The following LMAN2L variants were observed in gnomAD, a reference collection of about 807,000 sequenced individuals.
The protein encoded by LMAN2L is lectin, mannose binding 2 like, also known as VIP36-like protein.
Under a neutral mutation model 44.3 loss-of-function variants are expected in LMAN2L, and 30 were observed. That is an observed-to-expected ratio of 0.68 (90% confidence interval 0.51 to 0.92). The LOEUF is 0.92. Among genes scored for constraint, LMAN2L ranks in the 40% least tolerant of loss-of-function variants. LMAN2L has a pLI of 0.00. For synonymous variants in LMAN2L, 183 were observed against 171.1 expected, an observed-to-expected ratio of 1.07 and a Z score of -0.54; for missense variants, 429 against 446.1, an observed-to-expected ratio of 0.96 and a Z score of 0.35.
At chr2:96,726,219 C>T (rs1289028624) in intron 4 of LMAN2L, among the ~76,000 whole-genome samples, 3 of 150,360 alleles carry the variant, frequency 2.0e-5, no homozygotes, top group Admixed American at 6.7e-5. Context: ...ATACTGATCT[C>T]GTATCCTTCA....
chr2:96,712,433 C>T (rs975739942), intron 4 of LMAN2L, among the ~76,000 whole-genome samples: 6 of 152,216 alleles, frequency 3.9e-5, no homozygotes, highest in East Asian at 1.9e-4. Flanking sequence ...TCATTCATCA[C>T]GTCTTCATAT....
chr2:96,737,430 G>A (rs1449295040), intron 2 of LMAN2L, among the ~76,000 whole-genome samples: 1 of 152,202 alleles, frequency 6.6e-6, no homozygotes, highest in Non-Finnish European at 1.5e-5. Context: ...CAGGAGGATT[G>A]TTTGAGACCA....
At position 96,716,343 on chromosome 2, in the gene LMAN2L, C is replaced by G. The variant is rs1254551907; in HGVS notation, c.508-4318G>C. ...TACATTTAGCACTTAAGAAAAAGAA[C>G]TTCATTATTATGATTCTTGCACCAG... is the stretch of plus-strand genomic sequence containing the variant. On this transcript the variant is annotated intron_variant, in intron 4 of 7. Coordinates refer to ENST00000264963, the MANE Select transcript of LMAN2L (RefSeq NM_030805.4). 2.0e-5 allele frequency among the ~76,000 whole-genome samples: 3 copies of G among 151,608 alleles called. No homozygotes were observed. In the East Asian group the frequency reaches 5.8e-4, roughly 29 times the overall value.
Position 96,738,013 on chromosome 2 carries a change from A to G in LMAN2L, c.242T>C (p.Met81Thr), listed in dbSNP as rs768907102. The change falls in exon 2 of 8, where the codon ATG becomes ACG. Residue 81 changes from methionine to threonine, a missense_variant. Physicochemically the swap from Met to Thr is moderately conservative, Grantham distance 81. Transcript: ENST00000264963. ...LWNLMGNAMVMTQYIRLTPDM... is the reference protein window; with the variant it reads ...LWNLMGNAMVTTQYIRLTPDM... ...TGGGGTAAGGCGGATATACTGGGTC[A>G]TCACCATGGCATTGCCCATCAGATT... is the stretch of plus-strand genomic sequence containing the variant. 1 of 1,614,020 alleles carries G rather than the reference A, an allele frequency of 6.2e-7. No individual in the cohort carries two copies. Among genetic ancestry groups the G allele is most frequent in the Non-Finnish European group, 8.5e-7 (1 of 1,180,010 alleles).
Position 96,734,420 on chromosome 2 carries a change from C to A in LMAN2L, c.413G>T (p.Arg138Leu). 6.2e-7 allele frequency: 1 copy of A among 1,603,748 alleles called. No individual in the cohort carries two copies. Among genetic ancestry groups the A allele is most frequent in the Non-Finnish European group, 8.5e-7 (1 of 1,170,502 alleles). ...CAGGCTCCCAATACCTGGCTGCATC[C>A]GATCCTTTGTGTACCAGATTGCCAA... ...DGLAIWYTKD[R>L]MQPGPVFGNM... Residue 138 changes from arginine to leucine, a missense_variant, in exon 3 of 8, where the codon CGG (arginine) becomes CTG (leucine). Coordinates refer to ENST00000264963, the MANE Select transcript of LMAN2L (RefSeq NM_030805.4).
chr2:96,735,000 A>G lies in LMAN2L; in HGVS notation c.307-474T>C, dbSNP rs187970907. ...GTAGAAAAAGAAAAGCTAAGCTGTT[A>G]TGCAAACGTTTCCAGGAATAATTAG... On this transcript the variant is annotated intron_variant, in intron 2 of 7. Transcript: ENST00000264963. Among the ~76,000 whole-genome samples, 607 of 152,008 alleles carry G rather than the reference A, an allele frequency of 4.0e-3. 5 individuals are homozygous for G. The highest frequency in any genetic ancestry group is 4.4e-3 in the Non-Finnish European group (298 of 67,956).
chr2:96,722,838 T>C (rs776267262), intron 4 of LMAN2L, among the ~76,000 whole-genome samples: 1 of 152,160 alleles, frequency 6.6e-6, no homozygotes, highest in Non-Finnish European at 1.5e-5. Context: ...CTGGCCAACA[T>C]GGCAAAACCC....
At chr2:96,721,647 T>C (rs1339312763) in intron 4 of LMAN2L, among the ~76,000 whole-genome samples, 3 of 151,508 alleles carry the variant, frequency 2.0e-5, no homozygotes, top group Non-Finnish European at 4.4e-5. Flanking sequence ...ACCAGCTAAT[T>C]TTTTTTGTTT....
At chr2:96,713,786 G>A (rs958187488) in intron 4 of LMAN2L, among the ~76,000 whole-genome samples, 1 of 152,240 alleles carries the variant, frequency 6.6e-6, no homozygotes, top group Non-Finnish European at 1.5e-5. Flanking sequence ...ACATAGGCAA[G>A]GAAGAAGCTC....
At chr2:96,708,587 G>C (rs578226148) in intron 6 of LMAN2L, among the ~76,000 whole-genome samples, 3 of 152,202 alleles carry the variant, frequency 2.0e-5, no homozygotes, top group African/African-American at 7.2e-5. Flanking sequence ...TTCCAGCACA[G>C]TAAGAACAGA....
At chr2:96,715,774 T>C (rs1015443675) in intron 4 of LMAN2L, among the ~76,000 whole-genome samples, 2 of 152,230 alleles carry the variant, frequency 1.3e-5, no homozygotes, top group African/African-American at 2.4e-5. Context: ...TGTGGATTTA[T>C]GGATTCTAGG....
rs954912116 is a variant in LMAN2L at position 96,739,845 on chromosome 2, G to A, written c.187+9C>T. On this transcript the variant is annotated intron_variant, in intron 1 of 7. Transcript: ENST00000264963. ...CCACTGCACGACCACCTCACCCTGG[G>A]CGCCTCACCCTGGTAGGGCTTCGAC... 1.2e-6 allele frequency: 2 copies of A among 1,612,520 alleles called. No homozygotes were observed. Among genetic ancestry groups the A allele is most frequent in the African/African-American group, 1.3e-5 (1 of 74,860 alleles).
Position 96,734,240 on chromosome 2 carries a change from T to G in LMAN2L, c.424+169A>C, listed in dbSNP as rs531045382. On this transcript the variant is annotated intron_variant, in intron 3 of 7. Transcript: ENST00000264963. ...CTCAGGATGAGTCAAATTCAGCTGC[T>G]TATGAGGACTCAGACCCGTTCTAGA... is the stretch of plus-strand genomic sequence containing the variant. Among the ~76,000 whole-genome samples the G allele has an allele frequency of 2.2e-4, 33 of 152,302 alleles. No individual in the cohort carries two copies. The South Asian group carries it at 6.8e-3, about 32-fold the overall frequency.
chr2:96,710,761 C>T (rs2077897636), intron 6 of LMAN2L, among the ~76,000 whole-genome samples: 1 of 152,202 alleles, frequency 6.6e-6, no homozygotes, highest in Non-Finnish European at 1.5e-5. Context: ...ATGGCTGGAG[C>T]TCACTAGCTG....
At chr2:96,712,476 T>C (rs1373732984) in intron 4 of LMAN2L, among the ~76,000 whole-genome samples, 2 of 152,188 alleles carry the variant, frequency 1.3e-5, no homozygotes, top group Non-Finnish European at 2.9e-5. Flanking sequence ...CTCCCAACCA[T>C]GGTTCTGCAC....
At chr2:96,737,530 G>A (rs1371627300) in intron 2 of LMAN2L, among the ~76,000 whole-genome samples, 8 of 152,196 alleles carry the variant, frequency 5.3e-5, no homozygotes, top group Admixed American at 5.2e-4. Context: ...GCACATGCCT[G>A]TAGTCTCAGC....
At chr2:96,709,016 G>A (rs939687540) in intron 6 of LMAN2L, among the ~76,000 whole-genome samples, 1 of 145,346 alleles carries the variant, frequency 6.9e-6, no homozygotes, top group African/African-American at 2.6e-5. Context: ...CCAGGTTCAA[G>A]CAATTCCCCT....
chr2:96,710,245 T>C (rs1358027747), intron 6 of LMAN2L, among the ~76,000 whole-genome samples: 1 of 152,196 alleles, frequency 6.6e-6, no homozygotes, highest in Non-Finnish European at 1.5e-5. Context: ...GGTGACTACA[T>C]AGGTGTAAAT....
chr2:96,728,483 G>A (rs940493474), intron 4 of LMAN2L, among the ~76,000 whole-genome samples: 2 of 140,540 alleles, frequency 1.4e-5, no homozygotes, highest in Admixed American at 7.4e-5. Flanking sequence ...TCCAGCCTGG[G>A]CAACAGAGCA....
Sources: gnomAD v4.1 joint callset for allele counts (sites outside exome capture counted in the v4.1 genomes callset) on GRCh38, gnomAD v4.1.1 for gene constraint, MANE v1.5 for transcripts, NCBI Gene and HGNC (gene_info 2026-07-23, HGNC 2026-07-21) for gene names.